The following SGMS1 variants were observed in gnomAD, a reference collection of about 807,000 sequenced individuals.
SGMS1 encodes the protein phosphatidylcholine:ceramide cholinephosphotransferase 1.
Under a neutral mutation model 46.2 loss-of-function variants are expected in SGMS1, and 13 were observed. That is an observed-to-expected ratio of 0.28 (90% confidence interval 0.18 to 0.45). The LOEUF (loss-of-function observed/expected upper bound fraction) is 0.45, where lower values mean the gene tolerates loss of function less well. SGMS1 is among the 20% of genes least tolerant of loss of function. SGMS1 has a pLI of 1.00. For synonymous variants in SGMS1, 203 were observed against 187.8 expected, an observed-to-expected ratio of 1.08 and a Z score of -0.66; for missense variants, 324 against 519.9, an observed-to-expected ratio of 0.62 and a Z score of 3.66.
At chr10:50,585,024 C>T (rs929852729) in intron 2 of SGMS1, among the ~76,000 whole-genome samples, 1 of 152,166 alleles carries the variant, frequency 6.6e-6, no homozygotes, top group Non-Finnish European at 1.5e-5. Flanking sequence ...TATGAAAATG[C>T]TACACAGGTG....
intron 2 of SGMS1, among the ~76,000 whole-genome samples, chr10:50,541,377 G>T (rs1391643869): frequency 2.6e-5 from 4 of 152,038 alleles, no homozygotes; most frequent in Admixed American, 2.6e-4. Context: ...GTTTCTTAAG[G>T]AGTACTGTAC....
intron 1 of SGMS1, among the ~76,000 whole-genome samples, chr10:50,615,753 G>A (rs767229701): frequency 3.7e-4 from 57 of 152,116 alleles, no homozygotes; most frequent in Non-Finnish European, 5.7e-4. Flanking sequence ...TTTCTCCAGC[G>A]CCTTCTCCCC....
At position 50,537,931 on chromosome 10, in the gene SGMS1, A is replaced by G. The variant is rs531430886; in HGVS notation, c.-588-18010T>C. Among the ~76,000 whole-genome samples the G allele has an allele frequency of 5.3e-4, 81 of 152,210 alleles. 1 individual carries two copies. The highest frequency in any genetic ancestry group is 1.9e-3 in the African/African-American group (77 of 41,538). On this transcript the variant is annotated intron_variant, in intron 2 of 10. Coordinates refer to ENST00000361781, the MANE Select transcript of SGMS1 (RefSeq NM_147156.4). ...AAGTAACTAAGCTCAAACTGCATCT[A>G]TTAAGCCATATGAATCCCATTACAT...
chr10:50,577,822 T>C (rs1838398741), intron 2 of SGMS1, among the ~76,000 whole-genome samples: 2 of 152,240 alleles, frequency 1.3e-5, no homozygotes, highest in Non-Finnish European at 2.9e-5. Flanking sequence ...TTTCCTTTCC[T>C]TTCCTTTCCC....
At chr10:50,411,603 A>T (rs1241664327) in intron 6 of SGMS1, among the ~76,000 whole-genome samples, 1 of 152,224 alleles carries the variant, frequency 6.6e-6, no homozygotes, top group Admixed American at 6.5e-5. Context: ...ATGCACCTAA[A>T]GTGGATAAAT....
At chr10:50,388,033 G>C (rs927808810) in intron 6 of SGMS1, among the ~76,000 whole-genome samples, 1 of 152,136 alleles carries the variant, frequency 6.6e-6, no homozygotes, top group Non-Finnish European at 1.5e-5. Context: ...CCTTTACACT[G>C]AACTTAAAAT....
intron 5 of SGMS1, among the ~76,000 whole-genome samples, chr10:50,439,885 C>A (rs1849519415): frequency 6.6e-6 from 1 of 152,168 alleles, no homozygotes; most frequent in Non-Finnish European, 1.5e-5. Flanking sequence ...TATCTCTATT[C>A]CTAAATTCGT....
intron 3 of SGMS1, among the ~76,000 whole-genome samples, chr10:50,485,055 C>T (rs1407459522): frequency 6.6e-6 from 1 of 152,020 alleles, no homozygotes; most frequent in African/African-American, 2.4e-5. Flanking sequence ...GGCAATAGGG[C>T]AAGAGAAAGA....
intron 7 of SGMS1, among the ~76,000 whole-genome samples, chr10:50,327,929 C>T (rs1847555913): frequency 6.6e-6 from 1 of 151,924 alleles, no homozygotes; most frequent in African/African-American, 2.4e-5. Context: ...TCTCAACTTC[C>T]TAAGAAGTAA....
intron 1 of SGMS1, among the ~76,000 whole-genome samples, chr10:50,612,705 T>C (rs1448148770): frequency 6.6e-6 from 1 of 151,514 alleles, no homozygotes; most frequent in South Asian, 2.1e-4. Context: ...ACTTTGTTGT[T>C]TGTTGTTGTT....
chr10:50,568,503 A>T lies in SGMS1; in HGVS notation c.-589+21650T>A, dbSNP rs572013998. 2.8e-4 allele frequency among the ~76,000 whole-genome samples: 42 copies of T among 152,272 alleles called. No individual in the cohort carries two copies. The South Asian group carries it at 8.7e-3, about 32-fold the overall frequency. On this transcript the variant is annotated intron_variant, in intron 2 of 10. Transcript: ENST00000361781. ...AATTCCCATCATTCCCATCCAATTC[A>T]TCAGTTTTAGGTTCACCTTCCTAAA...
chr10:50,454,271 G>A (rs1243024763), intron 5 of SGMS1, among the ~76,000 whole-genome samples: 1 of 152,096 alleles, frequency 6.6e-6, no homozygotes, highest in African/African-American at 2.4e-5. Flanking sequence ...CAAGTGAGTG[G>A]AGAGTAAAGT....
chr10:50,476,610 C>T (rs1030655480), intron 3 of SGMS1, among the ~76,000 whole-genome samples: 4 of 152,228 alleles, frequency 2.6e-5, no homozygotes, highest in South Asian at 2.1e-4. Context: ...ACCTTTGTGG[C>T]AGTCTCTCCC....
chr10:50,419,716 A>G (rs1849229594), intron 6 of SGMS1, among the ~76,000 whole-genome samples: 1 of 152,166 alleles, frequency 6.6e-6, no homozygotes, highest in African/African-American at 2.4e-5. Flanking sequence ...GTTGATTGCT[A>G]TTGCCAAAAG....
At chr10:50,554,598 G>T (rs984470437) in intron 2 of SGMS1, among the ~76,000 whole-genome samples, 1 of 152,202 alleles carries the variant, frequency 6.6e-6, no homozygotes, top group African/African-American at 2.4e-5. Context: ...GCAGGAGCAG[G>T]CTGCAGCCAC....
intron 4 of SGMS1, among the ~76,000 whole-genome samples, chr10:50,463,470 T>C (rs1295850243): frequency 6.6e-6 from 1 of 152,130 alleles, no homozygotes; most frequent in Non-Finnish European, 1.5e-5. Flanking sequence ...CAATGAGATA[T>C]CATCTCACAC....
chr10:50,609,521 GTTT>G (rs370846975), intron 1 of SGMS1, among the ~76,000 whole-genome samples: 7 of 117,042 alleles, frequency 6.0e-5, no homozygotes, highest in South Asian at 3.1e-4. Flanking sequence ...CTTCTCAATA[GTTT>G]TTTTTTTTTT....
chr10:50,357,500 C>T (rs1461400940), intron 6 of SGMS1, among the ~76,000 whole-genome samples: 1 of 152,148 alleles, frequency 6.6e-6, no homozygotes, highest in Non-Finnish European at 1.5e-5. Context: ...CAGAATACCA[C>T]AAAATACTGC....
chr10:50,505,821 G>A (rs1837701907), intron 3 of SGMS1, among the ~76,000 whole-genome samples: 1 of 152,150 alleles, frequency 6.6e-6, no homozygotes, highest in African/African-American at 2.4e-5. Context: ...TCTGAGCAGA[G>A]GCCCGAGGAA....
Sources: allele counts gnomAD v4.1 joint callset (sites outside exome capture counted in the v4.1 genomes callset), GRCh38; gene constraint gnomAD v4.1.1; transcripts MANE v1.5; gene names NCBI Gene and HGNC (gene_info 2026-07-23, HGNC 2026-07-21).